The following HERC1 variants were observed in gnomAD, a reference collection of about 807,000 sequenced individuals.
The protein encoded by HERC1 is probable E3 ubiquitin-protein ligase HERC1.
A neutral mutation model predicts 554.3 loss-of-function variants in HERC1; 160 were observed. The observed-to-expected ratio is 0.29, with a 90% CI of 0.25 to 0.33. The LOEUF (loss-of-function observed/expected upper bound fraction) is 0.33, where lower values mean the gene tolerates loss of function less well. Among genes scored for constraint, HERC1 ranks in the 10% least tolerant of loss-of-function variants. The pLI is 1.00. For synonymous variants in HERC1, 2,175 were observed against 2,131.7 expected (o/e 1.02, Z -0.56); for missense variants, 4,919 against 5,918.5 (o/e 0.83, Z 5.54).
intron 58 of HERC1, 125 bp downstream of exon 58, chr15:63,643,278 AG>A: frequency 1.1e-6 from 1 of 917,426 alleles, no homozygotes; most frequent in South Asian, 1.8e-5. Flanking sequence ...GGATTCTGAA[AG>A]AAGTTTCCTC....
At chr15:63,668,414 G>C (rs1399046238) in intron 40 of HERC1, among the ~76,000 whole-genome samples, 1 of 152,110 alleles carries the variant, frequency 6.6e-6, no homozygotes, top group East Asian at 1.9e-4. Flanking sequence ...AACTGCTTGA[G>C]CCCAAGAGGT....
chr15:63,616,577 G>C lies in HERC1; in HGVS notation c.13794C>G (p.Leu4598=). 6.2e-7 allele frequency: 1 copy of C among 1,613,984 alleles called. No individual in the cohort carries two copies. The highest frequency in any genetic ancestry group is 8.5e-7 in the Non-Finnish European group (1 of 1,179,884). ...VAIRTKKPLD[L]HLAPLVWKQL... Reference sequence around the variant, plus strand: ...GCTTCCACACCAGAGGGGCCAAGTGGAGGTCCAGAGGCTTCTTTGTGCGAA... The same window carrying C: ...GCTTCCACACCAGAGGGGCCAAGTGCAGGTCCAGAGGCTTCTTTGTGCGAA... Residue 4598 remains leucine, a synonymous_variant, in exon 75 of 78, where the codon CTC becomes CTG. Transcript: ENST00000443617.
At position 63,664,578 on chromosome 15, in the gene HERC1, G is replaced by A; in HGVS notation, c.8572C>T (p.His2858Tyr). Residue 2858 changes from histidine (H) to tyrosine (Y), a missense_variant, in exon 43 of 78, where the codon CAT (histidine) becomes TAT (tyrosine). Physicochemically the swap from His to Tyr is moderately conservative, Grantham distance 83. Coordinates refer to ENST00000443617, the MANE Select transcript of HERC1 (RefSeq NM_003922.4). ...GFSESPDNLDHTENAASGSGP... is the reference protein window; with the variant it reads ...GFSESPDNLDYTENAASGSGP... The stretch of plus-strand genomic sequence containing the variant: ...CTTCCAGAAGCTGCATTCTCTGTAT[G>A]ATCCAAATTATCAGGGCTACAAGTG... 3 of 1,613,252 alleles carry A rather than the reference G, an allele frequency of 1.9e-6. No homozygotes were observed. The highest frequency in any genetic ancestry group is 1.1e-5 in the South Asian group (1 of 90,976).
rs776434697 is a variant in HERC1 at position 63,734,776 on chromosome 15, T to A, written c.2594A>T (p.His865Leu). 1.0e-5 allele frequency: 16 copies of A among 1,598,322 alleles called. No individual in the cohort carries two copies. Among genetic ancestry groups the A allele is most frequent in the Non-Finnish European group, 1.4e-5 (16 of 1,174,480 alleles). The part of the protein sequence containing the change: ...PPLRERMELL[H>L]SLLPQGPDRW... ...ATCAGGTCCTTGAGGTAAAAGAGAA[T>A]GAAGTAATTCCATCCGTTCTCGTAA... Residue 865 changes from histidine to leucine, a missense_variant, in exon 13 of 78, where the codon CAT (histidine) becomes CTT (leucine). Around this residue, in one of 11 missense-constraint regions of HERC1, gnomAD observed 744 missense variants for 1,090.0 expected, o/e 0.68. Coordinates refer to ENST00000443617, the MANE Select transcript of HERC1 (RefSeq NM_003922.4). This position sits in a 1 kb window ranked among gnomAD's most constrained non-coding sequence, Gnocchi z 4.6.
intron 71 of HERC1, 54 bp downstream of exon 71, chr15:63,625,931 G>C: frequency 1.3e-6 from 2 of 1,550,608 alleles, no homozygotes. Context: ...CATGTCACGG[G>C]CACTGCTTAC....
At chr15:63,783,938 C>T (rs1025805795) in intron 1 of HERC1, among the ~76,000 whole-genome samples, 14 of 151,796 alleles carry the variant, frequency 9.2e-5, no homozygotes, top group African/African-American at 2.7e-4. Context: ...TGGTAGTGGG[C>T]GCCTGTAATC....
chr15:63,784,693 C>T (rs961024337), intron 1 of HERC1, among the ~76,000 whole-genome samples: 10 of 152,042 alleles, frequency 6.6e-5, no homozygotes, highest in Admixed American at 3.9e-4. Flanking sequence ...CTGCAACCTC[C>T]GCCTCCCAGG....
chr15:63,782,621 G>T (rs1363906204), intron 1 of HERC1, among the ~76,000 whole-genome samples: 2 of 152,228 alleles, frequency 1.3e-5, no homozygotes, highest in East Asian at 1.9e-4. Context: ...CATGGATAAA[G>T]AAGTCATTTC....
At chr15:63,725,822 T>C (rs753239537) in intron 17 of HERC1, among the ~76,000 whole-genome samples, 9 of 152,320 alleles carry the variant, frequency 5.9e-5, no homozygotes, top group Middle Eastern at 3.4e-3. Flanking sequence ...CAGACCAAAA[T>C]TCACTATCTT....
chr15:63,643,700 G>C lies in HERC1; in HGVS notation c.11185-150C>G, dbSNP rs879049761. 3 of 520,818 alleles carry C rather than the reference G, an allele frequency of 5.8e-6. No individual in the cohort carries two copies. The Admixed American group carries it at 1.1e-4, about 18-fold the overall frequency. 32.3% of individuals were successfully genotyped at this position (520,818 alleles called of 1,614,324 possible). On this transcript the variant is annotated intron_variant, in intron 57 of 77. Coordinates refer to ENST00000443617, the MANE Select transcript of HERC1 (RefSeq NM_003922.4). ...CTCATAAAGGATAGTAAGCTTGACTGAATCAGTAATAAAATATCAATCTGA... is the reference window on the plus strand; with the variant it reads ...CTCATAAAGGATAGTAAGCTTGACTCAATCAGTAATAAAATATCAATCTGA...
At chr15:63,817,913 T>G (rs1338344084) in intron 1 of HERC1, among the ~76,000 whole-genome samples, 1 of 152,032 alleles carries the variant, frequency 6.6e-6, no homozygotes, top group East Asian at 1.9e-4. Flanking sequence ...GAAAAAATGC[T>G]GTATGGGAAT....
chr15:63,670,359 A>G (rs1193432488), intron 39 of HERC1, among the ~76,000 whole-genome samples: 3 of 151,852 alleles, frequency 2.0e-5, no homozygotes, highest in East Asian at 1.9e-4. Flanking sequence ...GTCAGAGTAT[A>G]AAGTCCATAA....
At chr15:63,716,198 T>C in intron 22 of HERC1, 104 bp downstream of exon 22, 1 of 1,090,726 alleles carries the variant, frequency 9.2e-7, no homozygotes, top group African/African-American at 1.6e-5. Context: ...ATAAAGTCCT[T>C]TTAGAAAAAC....
chr15:63,608,998 T>C lies in HERC1; in HGVS notation c.*83A>G, dbSNP rs1566934402. On this transcript the variant is annotated 3_prime_UTR_variant, in exon 78 of 78. Coordinates refer to ENST00000443617, the MANE Select transcript of HERC1 (RefSeq NM_003922.4). The stretch of plus-strand genomic sequence containing the variant: ...GGTTTATGTTCTTATAACATCTATG[T>C]AGTTACCATAAAAGTATATCAACAT... 1 of 1,226,594 alleles carries C rather than the reference T, an allele frequency of 8.2e-7. No individual in the cohort carries two copies. Among genetic ancestry groups the C allele is most frequent in the East Asian group, 2.5e-5 (1 of 39,512 alleles). 76.0% of individuals were successfully genotyped at this position (1,226,594 alleles called of 1,614,324 possible).
rs1022515057 is a variant in HERC1 at position 63,718,130 on chromosome 15, C to T, written c.3978+444G>A. 9.4e-6 allele frequency among the ~76,000 whole-genome samples: 1 copy of T among 106,820 alleles called. No homozygotes were observed. Among genetic ancestry groups the T allele is most frequent in the Non-Finnish European group, 2.3e-5 (1 of 44,228 alleles). 70.1% of individuals were successfully genotyped at this position (106,820 alleles called of 152,430 possible). A position where few individuals can be genotyped will look rare whatever the true frequency, so the allele number is the denominator to read the frequency against. On this transcript the variant is annotated intron_variant, in intron 21 of 77. Coordinates refer to ENST00000443617, the MANE Select transcript of HERC1 (RefSeq NM_003922.4). This position sits in a 1 kb window ranked among gnomAD's most constrained non-coding sequence, Gnocchi z 4.2. ...CACACACACACACACACACAACCCC[C>T]TCCTTGGTTTTCACTTCTCTAAGCT... is the stretch of plus-strand genomic sequence containing the variant.
At chr15:63,762,006 T>C (rs1451472391) in intron 3 of HERC1, among the ~76,000 whole-genome samples, 1 of 152,198 alleles carries the variant, frequency 6.6e-6, no homozygotes, top group Non-Finnish European at 1.5e-5. Flanking sequence ...ACCAACTCAG[T>C]AGCAGTAAGC....
intron 1 of HERC1, among the ~76,000 whole-genome samples, chr15:63,833,346 G>A (rs756416322): frequency 6.6e-6 from 1 of 152,214 alleles, no homozygotes; most frequent in Non-Finnish European, 1.5e-5. Flanking sequence ...CGCTAAAGGC[G>A]GCCGGCGCCT....
intron 8 of HERC1, among the ~76,000 whole-genome samples, chr15:63,752,291 A>G (rs780138996): frequency 1.3e-5 from 2 of 152,224 alleles, no homozygotes; most frequent in Admixed American, 6.5e-5. Context: ...CCTCCTATAC[A>G]TGACAGAATA....
intron 17 of HERC1, 113 bp from the exon 18 acceptor site, chr15:63,725,626 GATGAAAACACA>G (rs759466094): frequency 1.9e-5 from 14 of 739,266 alleles, no homozygotes; most frequent in Non-Finnish European, 2.9e-5. Context: ...AATATTTTAT[GATGAAAACACA>G]AATTATAATA....
Sources: gnomAD v4.1 joint callset for allele counts (sites outside exome capture counted in the v4.1 genomes callset) on GRCh38, gnomAD v4.1.1 for gene constraint, gnomAD v4.1.1 regional missense constraint, Gnocchi (gnomAD v3.1) non-coding constraint, MANE v1.5 for transcripts, NCBI Gene and HGNC (gene_info 2026-07-23, HGNC 2026-07-21) for gene names.